Variants in OPA3 observed in about 807,000 individuals in gnomAD.
The protein encoded by OPA3 is optic atrophy 3 protein.
Under a neutral mutation model 4.0 loss-of-function variants are expected in OPA3, and 6 were observed. The observed-to-expected ratio is 1.51, with a 90% confidence interval of 0.83 to 2.99. The LOEUF (loss-of-function observed/expected upper bound fraction) is 2.99, where lower values mean the gene tolerates loss of function less well. Among genes scored for constraint, OPA3 ranks in the 30% most tolerant of loss-of-function variants. The pLI is 0.00. For synonymous variants in OPA3, 105 were observed against 117.1 expected (o/e 0.90, Z 0.67); for missense variants, 235 against 256.2 (o/e 0.92, Z 0.56).
intron 1 of OPA3, among the ~76,000 whole-genome samples, chr19:45,580,783 T>G (rs777196686): frequency 9.9e-5 from 15 of 151,924 alleles, no homozygotes; most frequent in Non-Finnish European, 1.8e-4. Flanking sequence ...CACACCTGCC[T>G]AATTTTGTAT....
At chr19:45,527,542 G>A (rs1969005762) in exon 2 of OPA3, 2 of 151,642 alleles carry the variant, frequency 1.3e-5, no homozygotes, top group South Asian at 4.2e-4. Flanking sequence ...CCAAGTAGCT[G>A]GAACTACAGG....
chr19:45,553,948 A>T (rs1969383328), intron 1 of OPA3, 37 bp from the exon 2 acceptor site: 2 of 1,554,624 alleles, frequency 1.3e-6, no homozygotes, highest in African/African-American at 2.7e-5. Context: ...GCGCTCTGGG[A>T]GCCCCCTGCA....
rs186796646 is a variant in OPA3, at chr19:45,553,813, C to T, written c.241G>A (p.Ala81Thr). ...LNEEAAAELG[A>T]ELLGEATIFI... is the part of the protein sequence containing the mutation. ...ATGGTGGCTTCGCCCAGCAGCTCTG[C>T]GCCCAGCTCAGCTGCCGCCTCCTCG... The change falls in exon 2 of 2, where the codon GCA becomes ACA. Residue 81 changes from alanine to threonine, a missense_variant. Transcript: ENST00000263275. 22 of 1,613,276 alleles carry T rather than the reference C, an allele frequency of 1.4e-5. No homozygotes were observed. Among genetic ancestry groups the T allele is most frequent in the Middle Eastern group, 1.6e-4 (1 of 6,062 alleles).
At chr19:45,583,882 C>T (rs1342648026) in intron 1 of OPA3, among the ~76,000 whole-genome samples, 1 of 152,198 alleles carries the variant, frequency 6.6e-6, no homozygotes, top group Non-Finnish European at 1.5e-5. Flanking sequence ...TCAGCCAGTT[C>T]CTCTGAGCTC....
At chr19:45,568,648 G>A (rs540289961) in intron 1 of OPA3, among the ~76,000 whole-genome samples, 42 of 152,156 alleles carry the variant, frequency 2.8e-4, no homozygotes, top group African/African-American at 1.0e-3. Flanking sequence ...GTTACCAGAG[G>A]GGCATGACTG....
chr19:45,528,636 GGTGA>G (rs1234249858), exon 2 of OPA3: 2 of 194,528 alleles, frequency 1.0e-5, no homozygotes, highest in Non-Finnish European at 2.1e-5. Flanking sequence ...GGTCCACTCA[GGTGA>G]GTGAGGGTGC....
At chr19:45,529,030 C>G in exon 2 of OPA3, 2 of 1,593,132 alleles carry the variant, frequency 1.3e-6, no homozygotes. Context: ...CAGCAGTCAC[C>G]TCCAAGACCA....
At chr19:45,581,024 T>C (rs564965646) in intron 1 of OPA3, among the ~76,000 whole-genome samples, 1 of 152,314 alleles carries the variant, frequency 6.6e-6, no homozygotes, top group South Asian at 2.1e-4. Flanking sequence ...AAGTTTCGCC[T>C]CTGGCACAAA....
At position 45,552,258 on chromosome 19, in the gene OPA3, C is replaced by T. The variant is rs578235416; in HGVS notation, c.*1256G>A. Reference sequence around the variant, plus strand: ...GAGTTTTGCTCGTTACCCAGGCTGGCATGCAATTGCGCAATCTCGGCTCAC... The same window carrying T: ...GAGTTTTGCTCGTTACCCAGGCTGGTATGCAATTGCGCAATCTCGGCTCAC... On this transcript the variant is annotated 3_prime_UTR_variant, in exon 2 of 2. Coordinates refer to ENST00000263275, the MANE Select transcript of OPA3 (RefSeq NM_025136.4). 6 of 965,552 alleles carry T rather than the reference C, an allele frequency of 6.2e-6. No individual in the cohort carries two copies. The highest frequency in any genetic ancestry group is 7.4e-6 in the Non-Finnish European group (6 of 812,070). The allele number at this position is 965,552 out of a possible 1,614,324, so 59.8% of individuals were successfully genotyped here. A position where few individuals can be genotyped will look rare whatever the true frequency, so the allele number is the denominator to read the frequency against.
chr19:45,542,533 G>A (rs1277813935), downstream of OPA3, among the ~76,000 whole-genome samples: 2 of 152,172 alleles, frequency 1.3e-5, no homozygotes, highest in Non-Finnish European at 2.9e-5. Context: ...GTACTTGCGT[G>A]TCTAGACACA....
chr19:45,541,494 C>T (rs11878613), downstream of OPA3, among the ~76,000 whole-genome samples: 3,978 of 152,132 alleles, frequency 0.026, 177 homozygotes, highest in African/African-American at 0.091. Flanking sequence ...TCATCTAAGT[C>T]CAGAAGTTTG....
In OPA3 at chr19:45,552,273, T is replaced by A; in HGVS notation, c.*1241A>T. ...CCCAGGCTGGCATGCAATTGCGCAA[T>A]CTCGGCTCACTGCAACCTCTGCCTC... is the stretch of plus-strand genomic sequence containing the variant. On this transcript the variant is annotated 3_prime_UTR_variant, in exon 2 of 2. Transcript: ENST00000263275. 1 of 915,698 alleles carries A rather than the reference T, an allele frequency of 1.1e-6. No individual in the cohort carries two copies. Among genetic ancestry groups the A allele is most frequent in the Non-Finnish European group, 1.3e-6 (1 of 766,532 alleles). The allele number at this position is 915,698 out of a possible 1,614,324, so 56.7% of individuals were successfully genotyped here. A position where few individuals can be genotyped will look rare whatever the true frequency, so the allele number is the denominator to read the frequency against.
At chr19:45,529,990 T>A (rs947910115) in intron 1 of OPA3, among the ~76,000 whole-genome samples, 6 of 152,092 alleles carry the variant, frequency 3.9e-5, no homozygotes, top group Non-Finnish European at 8.8e-5. Context: ...TGCCAAAGCC[T>A]CCCAAAGTGC....
Position 45,573,445 on chromosome 19 carries a change from C to A in OPA3, c.142+11178G>T, listed in dbSNP as rs1478175539. Among the ~76,000 whole-genome samples the A allele has an allele frequency of 6.6e-5, 10 of 152,194 alleles. 1 individual carries two copies. In the East Asian group the frequency reaches 1.9e-3, roughly 29 times the overall value. The stretch of plus-strand genomic sequence containing the variant: ...CGGCCTGGGCAACAAGAGCGAAACT[C>A]TGTCTCAAAAAATAAACAAATAAAA... On this transcript the variant is annotated intron_variant, in intron 1 of 1. Transcript: ENST00000263275.
intron 1 of OPA3, among the ~76,000 whole-genome samples, chr19:45,577,319 G>A (rs1437992188): frequency 6.6e-6 from 1 of 152,228 alleles, no homozygotes; most frequent in Non-Finnish European, 1.5e-5. Flanking sequence ...ACAGATACTG[G>A]ATTTGCTGGT....
intron 1 of OPA3, among the ~76,000 whole-genome samples, chr19:45,540,325 T>A (rs200259404): frequency 4.7e-5 from 5 of 107,366 alleles, no homozygotes; most frequent in Non-Finnish European, 7.8e-5. Context: ...TCAAAAAAAA[T>A]AAAAAATAAA....
chr19:45,572,849 A>G, intron 1 of OPA3, among the ~76,000 whole-genome samples: 1 of 142,576 alleles, frequency 7.0e-6, no homozygotes, highest in Non-Finnish European at 1.5e-5. Context: ...ATCTATATAT[A>G]TTTTTTTTTT....
rs573871311 is a variant in OPA3, at chr19:45,568,671, C to T, written c.143-14760G>A. On this transcript the variant is annotated intron_variant, in intron 1 of 1. Coordinates refer to ENST00000263275, the MANE Select transcript of OPA3 (RefSeq NM_025136.4). ...AGGGGCATGACTGGTTCCATCTGCC[C>T]AGCATCCTGGGGGATCCTATCTCCC... is the stretch of plus-strand genomic sequence containing the variant. Among the ~76,000 whole-genome samples the T allele has an allele frequency of 1.2e-4, 18 of 152,198 alleles. 1 individual carries two copies. In the South Asian group the frequency reaches 3.7e-3, roughly 32 times the overall value.
At chr19:45,535,047 ATCTG>A (rs1021485994) in intron 1 of OPA3, among the ~76,000 whole-genome samples, 1 of 152,030 alleles carries the variant, frequency 6.6e-6, no homozygotes, top group African/African-American at 2.4e-5. Context: ...CCACGTGTTG[ATCTG>A]TCTATTGTTA....
Sources: allele counts gnomAD v4.1 joint callset (sites outside exome capture counted in the v4.1 genomes callset), GRCh38; gene constraint gnomAD v4.1.1; transcripts MANE v1.5; gene names NCBI Gene and HGNC (gene_info 2026-07-23, HGNC 2026-07-21).